HECTD2: variants seen among roughly 807,000 people sequenced by gnomAD.
The protein encoded by HECTD2 is HECT domain E3 ubiquitin protein ligase 2.
HECTD2 carries 35 observed loss-of-function variants against 103.2 expected under a neutral mutation model. That is an observed-to-expected ratio of 0.34 (90% CI 0.26 to 0.45). The LOEUF (loss-of-function observed/expected upper bound fraction) is 0.45, where lower values mean the gene tolerates loss of function less well. Among genes scored for constraint, HECTD2 ranks in the 20% least tolerant of loss-of-function variants. HECTD2 has a pLI of 1.00. For missense variants in HECTD2, 596 were observed against 937.4 expected, an observed-to-expected ratio of 0.64 and a Z score of 4.76; for synonymous variants, 281 against 329.9, an observed-to-expected ratio of 0.85 and a Z score of 1.61.
chr10:91,426,164 AC>A (rs1436399118), intron 2 of HECTD2, among the ~76,000 whole-genome samples: 1 of 152,038 alleles, frequency 6.6e-6, no homozygotes, highest in African/African-American at 2.4e-5. Context: ...AGGGGTGCTT[AC>A]CGATCTGTTA....
At position 91,488,056 on chromosome 10, in the gene HECTD2, C is replaced by T. The variant is rs185565598; in HGVS notation, c.1191+278C>T. On this transcript the variant is annotated intron_variant, in intron 11 of 20. Transcript: ENST00000298068. ...AAATTACTGAGAGCTTGTTGGACCTCGTTTTGCAGATACCATACCACCAAC... is the reference window on the plus strand; with the variant it reads ...AAATTACTGAGAGCTTGTTGGACCTTGTTTTGCAGATACCATACCACCAAC... 329 of 211,056 alleles carry T rather than the reference C, an allele frequency of 1.6e-3. 1 individual carries two copies. Among genetic ancestry groups the T allele is most frequent in the African/African-American group, 7.3e-3 (314 of 43,250 alleles). 13.1% of individuals were successfully genotyped at this position (211,056 alleles called of 1,614,324 possible).
At chr10:91,428,082 G>A (rs1843652810) in intron 2 of HECTD2, among the ~76,000 whole-genome samples, 1 of 151,372 alleles carries the variant, frequency 6.6e-6, no homozygotes, top group African/African-American at 2.4e-5. Context: ...TCCAGTTTCA[G>A]CTTTCTACAT....
Position 91,512,414 on chromosome 10 carries a change from A to G in HECTD2, c.*30A>G. 2 of 1,595,810 alleles carry G rather than the reference A, an allele frequency of 1.3e-6. No individual in the cohort carries two copies. The highest frequency in any genetic ancestry group is 1.7e-6 in the Non-Finnish European group (2 of 1,165,928). ...GAAGACTTGAAATATAATCTTTTAT[A>G]TGTAGCATTCACTTCCCTCTTACTG... On this transcript the variant is annotated 3_prime_UTR_variant, in exon 21 of 21. Transcript: ENST00000298068.
chr10:91,414,921 A>G (rs1843059853), intron 1 of HECTD2, among the ~76,000 whole-genome samples: 1 of 152,148 alleles, frequency 6.6e-6, no homozygotes, highest in Non-Finnish European at 1.5e-5. Context: ...AAGCTATTGC[A>G]ATTTCTGAAA....
rs1488499912 is a variant in HECTD2 at position 91,483,694 on chromosome 10, A to C, written c.821+618A>C. Among the ~76,000 whole-genome samples, 3 of 152,112 alleles carry C rather than the reference A, an allele frequency of 2.0e-5. No homozygotes were observed. The East Asian group carries it at 5.8e-4, about 29-fold the overall frequency. The stretch of plus-strand genomic sequence containing the variant: ...ATAATGTCACCACAAACATGGAATT[A>C]ATAAATACAGAACCATTGCTTCAAG... On this transcript the variant is annotated intron_variant, in intron 8 of 20. Transcript: ENST00000298068.
chr10:91,412,891 A>C (rs895499921), intron 1 of HECTD2, among the ~76,000 whole-genome samples: 10 of 151,958 alleles, frequency 6.6e-5, no homozygotes, highest in African/African-American at 2.4e-4. Context: ...TTGATGTGTG[A>C]GGTAGGTGGG....
rs1349314600 is a variant in HECTD2, at chr10:91,513,371, A to G, written c.*987A>G. On this transcript the variant is annotated 3_prime_UTR_variant, in exon 21 of 21. Transcript: ENST00000298068. Reference sequence around the variant, plus strand: ...CACTAATTTTTGAAAAAGATAGGTTAAAGTATTTGACAAAAGTGAATACAA... The same window carrying G: ...CACTAATTTTTGAAAAAGATAGGTTGAAGTATTTGACAAAAGTGAATACAA... 2 of 152,666 alleles carry G rather than the reference A, an allele frequency of 1.3e-5. No homozygotes were observed. The highest frequency in any genetic ancestry group is 2.9e-5 in the Non-Finnish European group (2 of 68,032). 9.5% of individuals were successfully genotyped at this position (152,666 alleles called of 1,614,324 possible).
chr10:91,512,171 G>C, intron 20 of HECTD2, 93 bp from the exon 21 acceptor site: 1 of 1,308,726 alleles, frequency 7.6e-7, no homozygotes, highest in South Asian at 1.3e-5. Flanking sequence ...AAATAGATTT[G>C]AATGTGTGTG....
intron 1 of HECTD2, 79 bp from the exon 2 acceptor site, chr10:91,425,202 T>C (rs754999418): frequency 6.2e-6 from 7 of 1,137,672 alleles, no homozygotes; most frequent in Non-Finnish European, 8.2e-6. Flanking sequence ...AAATCTCTTA[T>C]AAATGTTTGT....
Position 91,461,276 on chromosome 10 carries a change from T to G in HECTD2, c.430T>G (p.Ser144Ala). 1 of 1,530,378 alleles carries G rather than the reference T, an allele frequency of 6.5e-7. No homozygotes were observed. The highest frequency in any genetic ancestry group is 8.8e-7 in the Non-Finnish European group (1 of 1,132,290). The allele number at this position is 1,530,378 out of a possible 1,614,324, so 94.8% of individuals were successfully genotyped here. ...DFQEDVEKVKSSGDWKAVHDF... is the reference protein window; with the variant it reads ...DFQEDVEKVKASGDWKAVHDF... ...TAGGGAAGATGTAGAAAAAGTTAAG[T>G]CATCAGGAGATTGGAAAGCAGTACA... Residue 144 changes from serine (S) to alanine (A), a missense_variant, in exon 4 of 21, where the codon TCA (serine) becomes GCA (alanine). This residue lies in a region of HECTD2 where 220 missense variants were observed against 233.9 expected (regional missense o/e 0.94). Coordinates refer to ENST00000298068, the MANE Select transcript of HECTD2 (RefSeq NM_182765.6).
At chr10:91,410,267 C>T, upstream of HECTD2, 3 of 170,108 alleles carry the variant, frequency 1.8e-5, no homozygotes, top group South Asian at 5.0e-4. Context: ...CGGGGGCGGC[C>T]TCGGGCTCGC....
At chr10:91,452,216 A>G (rs911519801) in intron 2 of HECTD2, among the ~76,000 whole-genome samples, 6 of 152,172 alleles carry the variant, frequency 3.9e-5, no homozygotes, top group Non-Finnish European at 7.4e-5. Flanking sequence ...GGGCTAAAAA[A>G]GTAACCAAGT....
upstream of HECTD2, chr10:91,409,280 A>G (rs1842822675): frequency 2.0e-5 from 3 of 152,174 alleles, no homozygotes; most frequent in African/African-American, 4.8e-5. Context: ...GGGCGACAAG[A>G]AAGGAAAGGA....
In HECTD2 at chr10:91,487,769, C is replaced by T; in HGVS notation, c.1182C>T (p.Asn394=). 6.3e-7 allele frequency: 1 copy of T among 1,596,348 alleles called. No homozygotes were observed. The highest frequency in any genetic ancestry group is 8.6e-7 in the Non-Finnish European group (1 of 1,164,892). The change falls in exon 11 of 21, where the codon AAC becomes AAT. Residue 394 remains asparagine, a synonymous_variant. Transcript: ENST00000298068. This position sits in a 1 kb window ranked among gnomAD's most constrained non-coding sequence, Gnocchi z 4.1. ...IQRDSEQQMI[N]IARQSLVDKV... is the part of the protein sequence containing the mutation. ...GAGACTCAGAGCAACAGATGATAAA[C>T]ATCGCAAGGGTAAGTCAGCTATAAA...
chr10:91,453,717 G>T (rs145074472), intron 2 of HECTD2, among the ~76,000 whole-genome samples: 1 of 152,044 alleles, frequency 6.6e-6, no homozygotes, highest in African/African-American at 2.4e-5. Context: ...TACATTAAAT[G>T]TAAATGGTCT....
At chr10:91,434,927 C>T (rs1844051918) in intron 2 of HECTD2, among the ~76,000 whole-genome samples, 2 of 151,872 alleles carry the variant, frequency 1.3e-5, no homozygotes, top group African/African-American at 4.8e-5. Context: ...AAAAGTAATT[C>T]TATATCTTAG....
chr10:91,429,205 G>C (rs1214107033), intron 2 of HECTD2, among the ~76,000 whole-genome samples: 1 of 152,014 alleles, frequency 6.6e-6, no homozygotes, highest in Non-Finnish European at 1.5e-5. Flanking sequence ...TATTGAACCA[G>C]CCTTGCATCC....
chr10:91,417,525 C>G (rs1318232494), intron 1 of HECTD2, among the ~76,000 whole-genome samples: 2 of 152,124 alleles, frequency 1.3e-5, no homozygotes, highest in African/African-American at 2.4e-5. Flanking sequence ...TCCCCGCCCC[C>G]CCACAACAGG....
intron 1 of HECTD2, among the ~76,000 whole-genome samples, chr10:91,415,229 T>TGTGTGTGTGTGTGTGTAC (rs1843076417): frequency 6.6e-6 from 1 of 151,520 alleles, no homozygotes; most frequent in Non-Finnish European, 1.5e-5. Flanking sequence ...TGTGTGTGTG[T>TGTGTGTGTGTGTGTGTAC]GTACTTAACA....
Sources: gnomAD v4.1 joint callset for allele counts (sites outside exome capture counted in the v4.1 genomes callset) on GRCh38, gnomAD v4.1.1 for gene constraint, gnomAD v4.1.1 regional missense constraint, Gnocchi (gnomAD v3.1) non-coding constraint, MANE v1.5 for transcripts, NCBI Gene and HGNC (gene_info 2026-07-23, HGNC 2026-07-21) for gene names.